Variants in HMGXB4 observed in about 807,000 individuals in gnomAD.
HMGXB4 encodes the protein HMG-box containing 4.
Under a neutral mutation model 63.9 loss-of-function variants are expected in HMGXB4, and 27 were observed. That is an observed-to-expected ratio of 0.42 (90% confidence interval 0.31 to 0.58). HMGXB4 has a LOEUF of 0.58. HMGXB4 is among the 20% of genes least tolerant of loss of function. HMGXB4 has a pLI of 0.13. For synonymous variants in HMGXB4, 264 were observed against 265.3 expected (o/e 0.99, Z 0.05); for missense variants, 624 against 700.7 (o/e 0.89, Z 1.24).
intron 5 of HMGXB4, among the ~76,000 whole-genome samples, chr22:35,268,945 C>T (rs577756326): frequency 3.9e-5 from 6 of 152,248 alleles, no homozygotes; most frequent in Admixed American, 3.9e-4. Context: ...TTCTGTACAC[C>T]CCTCATTAGA....
intron 1 of HMGXB4, chr22:35,258,391 G>A (rs1370291717): frequency 1.3e-5 from 2 of 152,200 alleles, no homozygotes; most frequent in Non-Finnish European, 2.9e-5. Context: ...ATAGAACAAA[G>A]TAAAAAACTG....
At chr22:35,292,728 CAG>C (rs1925005445) in intron 9 of HMGXB4, among the ~76,000 whole-genome samples, 1 of 152,082 alleles carries the variant, frequency 6.6e-6, no homozygotes, top group African/African-American at 2.4e-5. Flanking sequence ...GTTAAGGAGA[CAG>C]AAGTTAAGGA....
intron 1 of HMGXB4, among the ~76,000 whole-genome samples, chr22:35,259,988 G>T (rs1167956142): frequency 6.6e-6 from 1 of 152,148 alleles, no homozygotes; most frequent in Non-Finnish European, 1.5e-5. Context: ...GTTTTTTAAA[G>T]CAGCCAGTAA....
chr22:35,261,368 G>A (rs529187159), intron 1 of HMGXB4, among the ~76,000 whole-genome samples: 8 of 151,556 alleles, frequency 5.3e-5, no homozygotes, highest in East Asian at 1.9e-4. Flanking sequence ...CCCGGGAGGC[G>A]GAGGTTGCAG....
rs1318005432 is a variant in HMGXB4, at chr22:35,288,234, T to C, written c.1469-4T>C. Reference sequence around the variant, plus strand: ...ACCTGTCTGCCTCATTGCTCTGTTCTCAGCCTCTTCTGTAGGAGTACTGTC... The same window carrying C: ...ACCTGTCTGCCTCATTGCTCTGTTCCCAGCCTCTTCTGTAGGAGTACTGTC... On this transcript the variant is annotated splice_region_variant and splice_polypyrimidine_tract_variant and intron_variant, in intron 8 of 10. Coordinates refer to ENST00000216106, the MANE Select transcript of HMGXB4 (RefSeq NM_001003681.3). The C allele has an allele frequency of 3.9e-6, 6 of 1,551,026 alleles. No individual in the cohort carries two copies. The highest frequency in any genetic ancestry group is 4.4e-6 in the Non-Finnish European group (5 of 1,147,456).
chr22:35,252,253 T>C, the HMGXB4 span, among the ~76,000 whole-genome samples: 1 of 152,170 alleles, frequency 6.6e-6, no homozygotes, highest in African/African-American at 2.4e-5. Flanking sequence ...AAACACGAGA[T>C]CTGCCTTCTT....
In HMGXB4 at chr22:35,265,563, AAAAAG is replaced by A. The variant is rs993634894; in HGVS notation, c.1178_1182del (p.Lys393ArgfsTer25). 2.5e-6 allele frequency: 4 copies of A among 1,595,288 alleles called. No individual in the cohort carries two copies. Among genetic ancestry groups the A allele is most frequent in the African/African-American group, 1.4e-5 (1 of 73,294 alleles). On this transcript the variant is annotated frameshift_variant, in exon 5 of 11. Transcript: ENST00000216106. LOFTEE classifies it high-confidence loss of function. ...GATGGGCATAGTGAAAAAAAAAAGAAAAAAGAAGAGAAGGACAAAGAGAGAGAGAG... is the reference window on the plus strand; with the variant it reads ...GATGGGCATAGTGAAAAAAAAAAGAAAAGAGAAGGACAAAGAGAGAGAGAG...
chr22:35,250,895 T>A, the HMGXB4 span, among the ~76,000 whole-genome samples: 1 of 152,122 alleles, frequency 6.6e-6, no homozygotes, highest in Admixed American at 6.5e-5. Context: ...AAGGGCCTTT[T>A]GACTCCTTCT....
At chr22:35,291,419 G>A (rs1251650665) in intron 9 of HMGXB4, among the ~76,000 whole-genome samples, 2 of 152,156 alleles carry the variant, frequency 1.3e-5, no homozygotes, top group African/African-American at 2.4e-5. Context: ...GGTTTTTACA[G>A]TGGAAAGGGA....
intron 5 of HMGXB4, among the ~76,000 whole-genome samples, chr22:35,272,329 C>T (rs950101256): frequency 6.6e-6 from 1 of 151,002 alleles, no homozygotes; most frequent in Non-Finnish European, 1.5e-5. Flanking sequence ...GTGAACGCAG[C>T]AGCGGTGGGC....
At chr22:35,263,662 A>C in intron 3 of HMGXB4, 134 bp from the exon 4 acceptor site, 1 of 656,002 alleles carries the variant, frequency 1.5e-6, no homozygotes, top group Non-Finnish European at 2.7e-6. Context: ...AAGAAAAATA[A>C]AACGTTATGC....
At chr22:35,255,971 A>G (rs866833541), upstream of HMGXB4, among the ~76,000 whole-genome samples, 34 of 152,370 alleles carry the variant, frequency 2.2e-4, 1 homozygote, top group African/African-American at 8.2e-4. Context: ...TGCTACTTTT[A>G]TTAAGTATTT....
chr22:35,248,895 G>T, the HMGXB4 span, among the ~76,000 whole-genome samples: 1 of 152,100 alleles, frequency 6.6e-6, no homozygotes, highest in African/African-American at 2.4e-5. Flanking sequence ...CATCCAAACC[G>T]TATCAGGCAC....
At chr22:35,290,222 G>A (rs1924841158) in intron 9 of HMGXB4, among the ~76,000 whole-genome samples, 1 of 152,140 alleles carries the variant, frequency 6.6e-6, no homozygotes, top group African/African-American at 2.4e-5. Flanking sequence ...AATTTTCCCA[G>A]ATATTTCCAT....
At chr22:35,253,430 T>G (rs1444898565), upstream of HMGXB4, among the ~76,000 whole-genome samples, 1 of 152,180 alleles carries the variant, frequency 6.6e-6, no homozygotes, top group African/African-American at 2.4e-5. Context: ...ACAAGTATCA[T>G]TGCTTCACCA....
chr22:35,259,975 C>T (rs1259382022), intron 1 of HMGXB4, among the ~76,000 whole-genome samples: 1 of 152,212 alleles, frequency 6.6e-6, no homozygotes, highest in Admixed American at 6.5e-5. Context: ...TTTTAATCCA[C>T]TAGTTTTTTA....
In HMGXB4 at chr22:35,287,371, C is replaced by G. The variant is rs1483962599; in HGVS notation, c.1387C>G (p.Leu463Val). The G allele has an allele frequency of 6.2e-7, 1 of 1,613,340 alleles. No homozygotes were observed. The highest frequency in any genetic ancestry group is 1.7e-5 in the Admixed American group (1 of 59,992). ...KLIWKQKAQY[L>V]QHKQNKAEAT... ...GATTTGGAAGCAAAAAGCTCAGTATCTGCAGCACAAACAGAACAAAGCAGA... is the reference window on the plus strand; with the variant it reads ...GATTTGGAAGCAAAAAGCTCAGTATGTGCAGCACAAACAGAACAAAGCAGA... The change falls in exon 8 of 11, where the codon CTG (leucine) becomes GTG (valine). Residue 463 changes from leucine to valine, a missense_variant. Leu to Val is a conservative substitution (Grantham distance 32, BLOSUM62 1). Around this residue, in one of 2 missense-constraint regions of HMGXB4, gnomAD observed 152 missense variants for 230.1 expected, o/e 0.66. Coordinates refer to ENST00000216106, the MANE Select transcript of HMGXB4 (RefSeq NM_001003681.3).
chr22:35,241,717 T>C, the HMGXB4 span, among the ~76,000 whole-genome samples: 1 of 152,234 alleles, frequency 6.6e-6, no homozygotes, highest in Non-Finnish European at 1.5e-5. Context: ...GGGCGTGTGT[T>C]CGGGAGAGGG....
At chr22:35,273,331 A>C (rs150549479) in intron 5 of HMGXB4, among the ~76,000 whole-genome samples, 8 of 152,308 alleles carry the variant, frequency 5.3e-5, no homozygotes, top group African/African-American at 1.9e-4. Context: ...CAACTTTAAG[A>C]CATGGTTACT....
Sources: gnomAD v4.1 joint callset for allele counts (sites outside exome capture counted in the v4.1 genomes callset) on GRCh38, gnomAD v4.1.1 for gene constraint, gnomAD v4.1.1 regional missense constraint, MANE v1.5 for transcripts, NCBI Gene and HGNC (gene_info 2026-07-23, HGNC 2026-07-21) for gene names.